ANKRD30A: variants seen among roughly 807,000 people sequenced by gnomAD.
ANKRD30A encodes the protein ankyrin repeat domain-containing protein 30A.
In ANKRD30A, 170 loss-of-function variants were observed where a neutral mutation model predicts 166.3. The ratio of observed to expected loss-of-function variants is 1.02; its 90% CI spans 0.90 to 1.16. ANKRD30A has a LOEUF of 1.16. Ranked by LOEUF, ANKRD30A falls within the 50% of genes most tolerant of loss-of-function variation. ANKRD30A has a pLI of 0.00. For synonymous variants in ANKRD30A, 564 were observed against 508.9 expected, an observed-to-expected ratio of 1.11 and a Z score of -1.46; for missense variants, 1,630 against 1,518.0, an observed-to-expected ratio of 1.07 and a Z score of -1.23.
chr10:37,218,550 AAG>A (rs1842716742), intron 33 of ANKRD30A, among the ~76,000 whole-genome samples: 1 of 151,036 alleles, frequency 6.6e-6, no homozygotes, highest in African/African-American at 2.4e-5. Flanking sequence ...TATCAGGAAA[AAG>A]GAACTGAAAG....
At chr10:37,184,186 G>T (rs1358784455) in intron 24 of ANKRD30A, among the ~76,000 whole-genome samples, 1 of 145,436 alleles carries the variant, frequency 6.9e-6, no homozygotes, top group Non-Finnish European at 1.5e-5. Flanking sequence ...TTTTATTTCT[G>T]GGTATGCTTT....
intron 25 of ANKRD30A, among the ~76,000 whole-genome samples, chr10:37,190,396 A>T (rs1167357230): frequency 6.6e-6 from 1 of 151,802 alleles, no homozygotes; most frequent in East Asian, 1.9e-4. Context: ...AGGAGAAAGC[A>T]TCATGGTGCT....
chr10:37,130,077 T>G (rs1239198148), intron 2 of ANKRD30A, 70 bp downstream of exon 2: 1 of 1,239,872 alleles, frequency 8.1e-7, no homozygotes, highest in East Asian at 3.0e-5. Context: ...AATGAATTTA[T>G]CTCATTGAAA....
chr10:37,196,046 T>C (rs1841060495), intron 27 of ANKRD30A, among the ~76,000 whole-genome samples: 1 of 151,718 alleles, frequency 6.6e-6, no homozygotes, highest in African/African-American at 2.4e-5. Context: ...TGAAACAGTG[T>C]TGTATGGGAA....
rs1342260238 is a variant in ANKRD30A at position 37,216,222 on chromosome 10, T to G, written c.2911T>G (p.Cys971Gly). The G allele has an allele frequency of 1.2e-6, 2 of 1,606,626 alleles. No homozygotes were observed. The highest frequency in any genetic ancestry group is 2.7e-5 in the African/African-American group (2 of 74,392). Residue 971 changes from cysteine to glycine, a missense_variant, in exon 32 of 36, where the codon TGT becomes GGT. Around this residue, in one of 4 missense-constraint regions of ANKRD30A, gnomAD observed 712 missense variants for 629.3 expected, o/e 1.13. Coordinates refer to ENST00000361713, the MANE Select transcript of ANKRD30A (RefSeq NM_052997.3). Reference protein sequence around the residue: ...LSKILDTVHSCERARELQKDH... With the variant: ...LSKILDTVHSGERARELQKDH... ...AAAAATCTTGGATACAGTTCATTCT[T>G]GTGAAAGAGCAAGGGAACTTCAAAA...
intron 31 of ANKRD30A, among the ~76,000 whole-genome samples, chr10:37,214,615 T>C (rs1842509591): frequency 6.6e-6 from 1 of 150,546 alleles, no homozygotes; most frequent in Non-Finnish European, 1.5e-5. Context: ...GATTTAGTCA[T>C]ATCTTTTTGT....
downstream of ANKRD30A, chr10:37,232,693 T>TATATATAA (rs1491500759): frequency 3.3e-4 from 3 of 9,124 alleles, no homozygotes; most frequent in Non-Finnish European, 8.3e-4. Context: ...TATATATATA[T>TATATATAA]AAATAGAGAG....
intron 31 of ANKRD30A, among the ~76,000 whole-genome samples, chr10:37,202,643 A>G (rs541096058): frequency 4.6e-5 from 7 of 152,348 alleles, no homozygotes; most frequent in Admixed American, 1.3e-4. Context: ...AAATCAGAGC[A>G]GAATTGAAGG....
At chr10:37,196,872 C>G (rs11011065) in intron 27 of ANKRD30A, among the ~76,000 whole-genome samples, 3,558 of 152,270 alleles carry the variant, frequency 0.023, 157 homozygotes, top group African/African-American at 0.08. Context: ...GTTGTACATT[C>G]AGCTGAACTC....
chr10:37,166,633 A>C lies in ANKRD30A; in HGVS notation c.2093A>C (p.Asp698Ala). The change falls in exon 19 of 36, where the codon GAT becomes GCT. Residue 698 changes from aspartate to alanine, a missense_variant. Physicochemically the swap from Asp to Ala is moderately radical, Grantham distance 126 (BLOSUM62 -2). Coordinates refer to ENST00000361713, the MANE Select transcript of ANKRD30A (RefSeq NM_052997.3). ...CTCTGTGAGACTGTTTCACAGAAGG[A>C]TGTGTGTTTACCCAAGGCTGCGCAT... ...ESLCETVSQK[D>A]VCLPKAAHQK... 1 of 1,598,364 alleles carries C rather than the reference A, an allele frequency of 6.3e-7. No individual in the cohort carries two copies. The highest frequency in any genetic ancestry group is 1.1e-5 in the South Asian group (1 of 88,642).
chr10:37,136,915 A>G (rs1293343144), intron 6 of ANKRD30A, among the ~76,000 whole-genome samples: 1 of 151,432 alleles, frequency 6.6e-6, no homozygotes, highest in East Asian at 1.9e-4. Flanking sequence ...TAGGCAGTTT[A>G]TAATCTCAAA....
At chr10:37,205,318 A>C (rs867062370) in intron 31 of ANKRD30A, among the ~76,000 whole-genome samples, 1 of 152,156 alleles carries the variant, frequency 6.6e-6, no homozygotes. Flanking sequence ...ATGAAGCTGG[A>C]AACCATCATT....
rs374804721 is a variant in ANKRD30A, at chr10:37,142,118, G to A, written c.1221G>A (p.Thr407=). ...CAAAAGAAACATCTGAGAAATTTAC[G>A]TGGGCAGCAAAAGGAAGACCTAGGA... ...SPAKETSEKF[T]WAAKGRPRKI... The change falls in exon 7 of 36, where the codon ACG becomes ACA. Residue 407 remains threonine, a synonymous_variant. Coordinates refer to ENST00000361713, the MANE Select transcript of ANKRD30A (RefSeq NM_052997.3). The A allele has an allele frequency of 1.1e-4, 171 of 1,613,550 alleles. 1 individual carries two copies. Among genetic ancestry groups the A allele is most frequent in the East Asian group, 4.0e-4 (18 of 44,870 alleles).
Position 37,213,219 on chromosome 10 carries a change from G to A in ANKRD30A, c.2870-2962G>A, listed in dbSNP as rs534330948. Among the ~76,000 whole-genome samples, 29 of 151,896 alleles carry A rather than the reference G, an allele frequency of 1.9e-4. No homozygotes were observed. In the South Asian group the frequency reaches 3.1e-3, roughly 16 times the overall value. ...ACATAAATTGAATTCTCACCATTGT[G>A]GAAGCTGCACAGTTCAAGATCAAGG... is the stretch of plus-strand genomic sequence containing the variant. On this transcript the variant is annotated intron_variant, in intron 31 of 35. Coordinates refer to ENST00000361713, the MANE Select transcript of ANKRD30A (RefSeq NM_052997.3).
chr10:37,265,292 T>A, the ANKRD30A span, among the ~76,000 whole-genome samples: 1 of 152,212 alleles, frequency 6.6e-6, no homozygotes, highest in Non-Finnish European at 1.5e-5. Context: ...GGCAATCTTG[T>A]GGTCCATGCC....
intron 31 of ANKRD30A, among the ~76,000 whole-genome samples, chr10:37,210,360 C>G (rs1842225802): frequency 6.6e-6 from 1 of 152,130 alleles, no homozygotes; most frequent in African/African-American, 2.4e-5. Flanking sequence ...TATCCAATGT[C>G]TATCATTGAT....
At chr10:37,159,950 C>A (rs1018810058) in intron 15 of ANKRD30A, among the ~76,000 whole-genome samples, 11 of 152,092 alleles carry the variant, frequency 7.2e-5, no homozygotes, top group African/African-American at 2.7e-4. Flanking sequence ...CCGCCCACCT[C>A]GGCCTCCCAA....
chr10:37,244,781 T>C, the ANKRD30A span, among the ~76,000 whole-genome samples: 1 of 152,180 alleles, frequency 6.6e-6, no homozygotes, highest in African/African-American at 2.4e-5. Context: ...CTCTATTCAG[T>C]TTTTGATATT....
At chr10:37,162,971 C>T (rs1377522143) in intron 17 of ANKRD30A, 123 bp downstream of exon 17, 3 of 1,237,722 alleles carry the variant, frequency 2.4e-6, no homozygotes, top group Admixed American at 5.2e-5. Context: ...TAGATAATGC[C>T]AATACTGGTA....
Sources: allele counts gnomAD v4.1 joint callset (sites outside exome capture counted in the v4.1 genomes callset), GRCh38; gene constraint gnomAD v4.1.1; regional missense constraint gnomAD v4.1.1; transcripts MANE v1.5; gene names NCBI Gene and HGNC (gene_info 2026-07-23, HGNC 2026-07-21).